The following LRRC4C variants were observed in gnomAD, a reference collection of about 807,000 sequenced individuals.
LRRC4C encodes leucine-rich repeat-containing protein 4C.
In LRRC4C, 5 loss-of-function variants were observed where a neutral mutation model predicts 33.6. That is an observed-to-expected ratio of 0.15 (90% CI 0.08 to 0.31). The LOEUF (loss-of-function observed/expected upper bound fraction) is 0.31. Among genes scored for constraint, LRRC4C ranks in the 10% least tolerant of loss-of-function variants. LRRC4C has a pLI of 1.00. For synonymous variants in LRRC4C, 329 were observed against 302.0 expected (o/e 1.09, Z -0.93); for missense variants, 560 against 796.7 (o/e 0.70, Z 3.58).
chr11:40,367,795 A>T (rs1003148584), intron 3 of LRRC4C, among the ~76,000 whole-genome samples: 1 of 152,212 alleles, frequency 6.6e-6, no homozygotes, highest in African/African-American at 2.4e-5. Context: ...TCTCCACAGC[A>T]GTTATCTTCT....
In LRRC4C at chr11:40,329,686, T is replaced by C. The variant is rs545526376; in HGVS notation, c.-269-9965A>G. Among the ~76,000 whole-genome samples, 19 of 152,176 alleles carry C rather than the reference T, an allele frequency of 1.2e-4. No individual in the cohort carries two copies. The South Asian group carries it at 1.5e-3, about 12-fold the overall frequency. ...ATCAGTTTATAATTATTTGAGGTAT[T>C]CAAGTATTGATTGCATAACCACTTG... On this transcript the variant is annotated intron_variant, in intron 3 of 6. Coordinates refer to ENST00000528697, the MANE Select transcript of LRRC4C (RefSeq NM_001258419.2).
chr11:41,045,624 G>C (rs957780737), intron 1 of LRRC4C, among the ~76,000 whole-genome samples: 2 of 152,100 alleles, frequency 1.3e-5, no homozygotes, highest in African/African-American at 4.8e-5. Flanking sequence ...TAGCTTTAGT[G>C]GGAACAACTA....
chr11:40,459,907 G>A (rs1212122035), intron 3 of LRRC4C, among the ~76,000 whole-genome samples: 3 of 152,130 alleles, frequency 2.0e-5, no homozygotes, highest in African/African-American at 7.2e-5. Context: ...GATGCAGCAC[G>A]ATGTTTGCAT....
At chr11:40,798,645 C>CTTTT (rs11341571) in intron 2 of LRRC4C, among the ~76,000 whole-genome samples, 7 of 137,776 alleles carry the variant, frequency 5.1e-5, no homozygotes, top group Non-Finnish European at 6.3e-5. Flanking sequence ...TTCTTTCTTT[C>CTTTT]TTTTTTTTTT....
At chr11:40,567,206 A>G (rs879841915) in intron 3 of LRRC4C, among the ~76,000 whole-genome samples, 2 of 152,144 alleles carry the variant, frequency 1.3e-5, no homozygotes, top group African/African-American at 2.4e-5. Context: ...CAAAGATGTC[A>G]AAGACTTGGA....
rs557959420 is a variant in LRRC4C, at chr11:40,339,131, C to T, written c.-269-19410G>A. Among the ~76,000 whole-genome samples, 6 of 152,294 alleles carry T rather than the reference C, an allele frequency of 3.9e-5. No individual in the cohort carries two copies. In the South Asian group the frequency reaches 1.2e-3, roughly 32 times the overall value. On this transcript the variant is annotated intron_variant, in intron 3 of 6. Transcript: ENST00000528697. ...TGGATTTCTCGCAGGAACATATTATCTAACTCTGCAGGAGTTGGAGACTTT... is the reference window on the plus strand; with the variant it reads ...TGGATTTCTCGCAGGAACATATTATTTAACTCTGCAGGAGTTGGAGACTTT...
chr11:40,700,157 C>T (rs1945797184), intron 2 of LRRC4C, among the ~76,000 whole-genome samples: 1 of 152,068 alleles, frequency 6.6e-6, no homozygotes, highest in Non-Finnish European at 1.5e-5. Context: ...AAATGTACAG[C>T]TGTGTCTAAC....
chr11:41,006,396 T>A (rs1854755977), intron 1 of LRRC4C, among the ~76,000 whole-genome samples: 1 of 152,206 alleles, frequency 6.6e-6, no homozygotes, highest in Non-Finnish European at 1.5e-5. Flanking sequence ...GGCAACCACA[T>A]AATTTGGCCA....
chr11:41,091,305 G>A (rs532127942), intron 1 of LRRC4C, among the ~76,000 whole-genome samples: 3 of 151,858 alleles, frequency 2.0e-5, no homozygotes, highest in East Asian at 1.9e-4. Context: ...AATGGAAGAC[G>A]CTTTCTCTGG....
intron 4 of LRRC4C, among the ~76,000 whole-genome samples, chr11:40,287,282 G>C (rs887718891): frequency 1.3e-5 from 2 of 151,782 alleles, no homozygotes; most frequent in Non-Finnish European, 2.9e-5. Flanking sequence ...GTGTGTGTGT[G>C]TGTGTGTGTG....
chr11:40,359,956 T>C (rs2137159213), intron 3 of LRRC4C, among the ~76,000 whole-genome samples: 1 of 152,284 alleles, frequency 6.6e-6, no homozygotes, highest in East Asian at 1.9e-4. Flanking sequence ...AGGGCAAGTT[T>C]TTGAGAGCCT....
chr11:40,753,991 A>C (rs184796614), intron 2 of LRRC4C, among the ~76,000 whole-genome samples: 1 of 152,112 alleles, frequency 6.6e-6, no homozygotes, highest in East Asian at 1.9e-4. Flanking sequence ...CTGTATATAT[A>C]TTCACTGTAT....
chr11:41,393,306 C>A (rs1591417931), intron 1 of LRRC4C, among the ~76,000 whole-genome samples: 1 of 151,872 alleles, frequency 6.6e-6, no homozygotes, highest in African/African-American at 2.4e-5. Flanking sequence ...CTCAATGGAT[C>A]TGTGACACCA....
intron 3 of LRRC4C, among the ~76,000 whole-genome samples, chr11:40,434,321 T>C (rs1362903775): frequency 1.3e-5 from 2 of 152,220 alleles, no homozygotes; most frequent in African/African-American, 2.4e-5. Flanking sequence ...ATTTCTCACC[T>C]ACCCTAGAGC....
intron 1 of LRRC4C, among the ~76,000 whole-genome samples, chr11:41,076,461 T>C (rs2902122): frequency 0.36 from 54,490 of 152,014 alleles, 9,996 homozygotes; most frequent in East Asian, 0.54. Context: ...AAGCACATCT[T>C]AACATGGTGG....
chr11:40,461,137 A>G (rs1288421128), intron 3 of LRRC4C, among the ~76,000 whole-genome samples: 3 of 152,198 alleles, frequency 2.0e-5, no homozygotes, highest in Admixed American at 6.6e-5. Context: ...TGGGGAGTTA[A>G]CTGAGATTTC....
rs146507832 is a variant in LRRC4C, at chr11:41,287,368, C to T, written c.-496+172063G>A. On this transcript the variant is annotated intron_variant, in intron 1 of 6. Transcript: ENST00000528697. ...ATGATGGAAGGGTTTCTTACTCTAACGATGAAAACCAGGGTCTAGAATTTG... is the reference window on the plus strand; with the variant it reads ...ATGATGGAAGGGTTTCTTACTCTAATGATGAAAACCAGGGTCTAGAATTTG... Among the ~76,000 whole-genome samples the T allele has an allele frequency of 3.7e-4, 57 of 152,210 alleles. No homozygotes were observed. In the East Asian group the frequency reaches 6.4e-3, roughly 17 times the overall value.
In LRRC4C at chr11:40,140,817, G is replaced by T. The variant is rs1857307982; in HGVS notation, c.-59C>A. The T allele has an allele frequency of 6.6e-6, 1 of 151,476 alleles. No individual in the cohort carries two copies. Among genetic ancestry groups the T allele is most frequent in the Admixed American group, 6.6e-5 (1 of 15,132 alleles). 9.4% of individuals were successfully genotyped at this position (151,476 alleles called of 1,614,324 possible). A position where few individuals can be genotyped will look rare whatever the true frequency, so the allele number is the denominator to read the frequency against. ...ATCACCCACCTAGCTCTCCACTGGG[G>T]GTCTCTATGCTGTAAGTAGGCAGTG... On this transcript the variant is annotated 5_prime_UTR_variant, in exon 6 of 7. Coordinates refer to ENST00000528697, the MANE Select transcript of LRRC4C (RefSeq NM_001258419.2).
chr11:40,273,014 C>T (rs1050612376), intron 4 of LRRC4C, among the ~76,000 whole-genome samples: 1 of 152,058 alleles, frequency 6.6e-6, no homozygotes. Flanking sequence ...TAATTTAAAA[C>T]ACTGTGATAA....
Sources: gnomAD v4.1 joint callset for allele counts (sites outside exome capture counted in the v4.1 genomes callset) on GRCh38, gnomAD v4.1.1 for gene constraint, MANE v1.5 for transcripts, NCBI Gene and HGNC (gene_info 2026-07-23, HGNC 2026-07-21) for gene names.